ALLC: variants seen among roughly 807,000 people sequenced by gnomAD.
ALLC encodes the protein allantoicase.
Under a neutral mutation model 45.0 loss-of-function variants are expected in ALLC, and 40 were observed. The observed-to-expected ratio is 0.89, with a 90% CI of 0.69 to 1.16. The LOEUF (loss-of-function observed/expected upper bound fraction) is 1.16, where lower values mean the gene tolerates loss of function less well. Among genes scored for constraint, ALLC ranks in the 50% most tolerant of loss-of-function variants. The pLI, the probability that ALLC is intolerant of heterozygous loss-of-function variation, is 0.00. For missense variants in ALLC, 488 were observed against 493.1 expected (o/e 0.99, Z 0.10); for synonymous variants, 176 against 178.1 (o/e 0.99, Z 0.09).
chr2:3,662,423 G>A (rs912001807), intron 1 of ALLC, among the ~76,000 whole-genome samples: 7 of 152,204 alleles, frequency 4.6e-5, no homozygotes, highest in Non-Finnish European at 7.3e-5. Context: ...ACCACAGGGC[G>A]GAAGTGTTTA....
Position 3,681,667 on chromosome 2 carries a change from G to A in ALLC, c.332G>A (p.Arg111Lys), listed in dbSNP as rs530100192. 4 of 1,611,082 alleles carry A rather than the reference G, an allele frequency of 2.5e-6. No homozygotes were observed. Among genetic ancestry groups the A allele is most frequent in the African/African-American group, 1.3e-5 (1 of 74,888 alleles). ...KLPEIPERGT[R>K]TGAAATPEEF... ...CCAGAAATCCCAGAAAGAGGAACCA[G>A]GACAGGAGCTGCAGCCACTCCTGAG... Residue 111 changes from arginine to lysine, a missense_variant, in exon 6 of 12, where the codon AGG becomes AAG. Transcript: ENST00000252505.
chr2:3,682,861 C>CA, intron 6 of ALLC, 81 bp from the exon 7 acceptor site: 1 of 1,454,462 alleles, frequency 6.9e-7, no homozygotes, highest in Non-Finnish European at 9.5e-7. Context: ...ATCTCCACAC[C>CA]TTAAGTGCCA....
chr2:3,651,290 TTCTTTTTGGGTGGGTGGG>T, the ALLC span, among the ~76,000 whole-genome samples: 2 of 5,320 alleles, frequency 3.8e-4, no homozygotes, highest in African/African-American at 9.4e-4. Context: ...CTTGCGGGAA[TTCTTTTTGGGTGGGTGGG>T]TGGGTGGGGG....
chr2:3,682,809 G>A, intron 6 of ALLC, 133 bp from the exon 7 acceptor site: 2 of 920,070 alleles, frequency 2.2e-6, no homozygotes, highest in Admixed American at 2.8e-5. Context: ...ACAGGCGTGA[G>A]CCACCGTGCC....
intron 10 of ALLC, among the ~76,000 whole-genome samples, chr2:3,699,610 C>T (rs1667770233): frequency 6.6e-6 from 1 of 152,186 alleles, no homozygotes; most frequent in Admixed American, 6.5e-5. Flanking sequence ...CTAATTTACA[C>T]TCCCACCAGC....
chr2:3,665,528 C>T (rs1171906231), intron 1 of ALLC, among the ~76,000 whole-genome samples: 3 of 152,152 alleles, frequency 2.0e-5, no homozygotes, highest in Admixed American at 6.5e-5. Context: ...GTGTTCTCAT[C>T]GTTCAGCTCC....
At chr2:3,650,680 A>C in the ALLC span, among the ~76,000 whole-genome samples, 1,534 of 152,270 alleles carry the variant, frequency 0.01, 28 homozygotes, top group African/African-American at 0.034. Flanking sequence ...GTTTACTCCC[A>C]TACAGGCGAG....
At chr2:3,683,376 A>G (rs1013983833) in intron 7 of ALLC, among the ~76,000 whole-genome samples, 15 of 152,240 alleles carry the variant, frequency 9.9e-5, no homozygotes, top group African/African-American at 3.1e-4. Flanking sequence ...GTATGTACAA[A>G]TGACTCATTT....
At chr2:3,698,920 A>T (rs1453157011) in intron 10 of ALLC, among the ~76,000 whole-genome samples, 2 of 152,238 alleles carry the variant, frequency 1.3e-5, no homozygotes, top group African/African-American at 4.8e-5. Flanking sequence ...ACTAACCATT[A>T]TATCAAATTC....
At chr2:3,674,735 G>A (rs1666978180) in intron 3 of ALLC, among the ~76,000 whole-genome samples, 1 of 152,198 alleles carries the variant, frequency 6.6e-6, no homozygotes, top group South Asian at 2.1e-4. Context: ...TGGGTCCAGA[G>A]CAAGCTGAAG....
At chr2:3,678,865 G>A (rs899433052) in intron 4 of ALLC, among the ~76,000 whole-genome samples, 20 of 152,260 alleles carry the variant, frequency 1.3e-4, no homozygotes, top group African/African-American at 3.9e-4. Context: ...ATTAGGCAGC[G>A]TGCATCTTCT....
intron 7 of ALLC, chr2:3,688,079 T>G (rs1667378292): frequency 6.5e-6 from 1 of 154,180 alleles, no homozygotes; most frequent in Non-Finnish European, 1.4e-5. Context: ...GACAAAGTAG[T>G]CATTGAGGGA....
intron 2 of ALLC, among the ~76,000 whole-genome samples, chr2:3,673,466 T>C: frequency 6.6e-6 from 1 of 152,238 alleles, no homozygotes; most frequent in East Asian, 1.9e-4. Context: ...TTCGAACTCC[T>C]GGGCTGGAGT....
Position 3,702,670 on chromosome 2 carries a change from A to T in ALLC, c.*107A>T. 1 of 1,226,868 alleles carries T rather than the reference A, an allele frequency of 8.2e-7. No homozygotes were observed. Among genetic ancestry groups the T allele is most frequent in the South Asian group, 1.7e-5 (1 of 59,276 alleles). The allele number at this position is 1,226,868 out of a possible 1,614,324, so 76.0% of individuals were successfully genotyped here. A position where few individuals can be genotyped will look rare whatever the true frequency, so the allele number is the denominator to read the frequency against. On this transcript the variant is annotated 3_prime_UTR_variant, in exon 12 of 12. Transcript: ENST00000252505. Reference sequence around the variant, plus strand: ...GATTTAATAAAGTGGTCGTCTCACAAATTGATCTCTGTATTTAATGTTGCT... The same window carrying T: ...GATTTAATAAAGTGGTCGTCTCACATATTGATCTCTGTATTTAATGTTGCT...
intron 7 of ALLC, among the ~76,000 whole-genome samples, chr2:3,692,173 A>G (rs1667539327): frequency 6.6e-6 from 1 of 152,206 alleles, no homozygotes. Flanking sequence ...ATGGGTATAC[A>G]TCTATGCCTG....
chr2:3,696,896 T>C (rs1169256122), intron 9 of ALLC, among the ~76,000 whole-genome samples: 1 of 152,224 alleles, frequency 6.6e-6, no homozygotes, highest in African/African-American at 2.4e-5. Context: ...CTTCCTAAGT[T>C]AGATTTCATG....
chr2:3,656,211 G>A (rs760943979), upstream of ALLC, among the ~76,000 whole-genome samples: 4 of 152,232 alleles, frequency 2.6e-5, no homozygotes, highest in Non-Finnish European at 4.4e-5. Context: ...CGGGGATGGC[G>A]GCATTATTCT....
the ALLC span, among the ~76,000 whole-genome samples, chr2:3,646,850 C>T: frequency 2.0e-5 from 3 of 152,198 alleles, no homozygotes; most frequent in African/African-American, 7.2e-5. Flanking sequence ...TTCTGTGTGG[C>T]AGTTCCAACA....
At chr2:3,650,051 C>T in the ALLC span, among the ~76,000 whole-genome samples, 12 of 152,376 alleles carry the variant, frequency 7.9e-5, no homozygotes, top group East Asian at 3.9e-4. Context: ...CTGGAAGGCA[C>T]GGAGCCGTCA....
Sources: allele counts gnomAD v4.1 joint callset (sites outside exome capture counted in the v4.1 genomes callset), GRCh38; gene constraint gnomAD v4.1.1; transcripts MANE v1.5; gene names NCBI Gene and HGNC (gene_info 2026-07-23, HGNC 2026-07-21).